The following LRP1B variants were observed in gnomAD, a reference collection of about 807,000 sequenced individuals.
LRP1B encodes the protein LDL receptor related protein 1B, also known as low-density lipoprotein receptor-related protein 1B.
LRP1B carries 217 observed loss-of-function variants against 556.6 expected under a neutral mutation model. The ratio of observed to expected loss-of-function variants is 0.39; its 90% CI spans 0.35 to 0.44. The LOEUF (loss-of-function observed/expected upper bound fraction) is 0.44. Among genes scored for constraint, LRP1B ranks in the 20% least tolerant of loss-of-function variants. The pLI, the probability that LRP1B is intolerant of heterozygous loss-of-function variation, is 1.00. For synonymous variants in LRP1B, 2,047 were observed against 1,865.8 expected (o/e 1.10, Z -2.50); for missense variants, 5,053 against 5,620.8 (o/e 0.90, Z 3.23).
At chr2:141,092,968 T>C (rs1034920723) in intron 7 of LRP1B, among the ~76,000 whole-genome samples, 1 of 151,968 alleles carries the variant, frequency 6.6e-6, no homozygotes, top group African/African-American at 2.4e-5. Flanking sequence ...ATAGTCTGTG[T>C]AATGAATATT....
At chr2:141,821,841 G>A (rs574767235) in intron 1 of LRP1B, among the ~76,000 whole-genome samples, 21 of 152,068 alleles carry the variant, frequency 1.4e-4, no homozygotes, top group Admixed American at 1.0e-3. Flanking sequence ...TTGAAAACTT[G>A]AAGAAGTACA....
chr2:140,861,900 T>C (rs1397298150), intron 27 of LRP1B, among the ~76,000 whole-genome samples: 2 of 152,254 alleles, frequency 1.3e-5, no homozygotes, highest in Admixed American at 1.3e-4. Context: ...TGTGTGCGCA[T>C]GCACACGCTT....
chr2:140,781,537 T>C (rs1689697393), intron 32 of LRP1B, among the ~76,000 whole-genome samples: 1 of 152,176 alleles, frequency 6.6e-6, no homozygotes, highest in Admixed American at 6.5e-5. Flanking sequence ...TTGCAGATGA[T>C]GGAAAAATGA....
chr2:141,446,390 G>T (rs1681195086), intron 3 of LRP1B, among the ~76,000 whole-genome samples: 1 of 152,008 alleles, frequency 6.6e-6, no homozygotes, highest in Non-Finnish European at 1.5e-5. Context: ...CTTTTAATTG[G>T]GGCATTTAGC....
chr2:140,883,767 A>G (rs2105186320), intron 25 of LRP1B, 50 bp downstream of exon 25: 2 of 1,526,448 alleles, frequency 1.3e-6, no homozygotes, highest in East Asian at 4.5e-5. Flanking sequence ...GTTAAATTGA[A>G]AGACTATTTT....
At chr2:140,259,480 AAAAT>A in intron 86 of LRP1B, among the ~76,000 whole-genome samples, 1 of 152,128 alleles carries the variant, frequency 6.6e-6, no homozygotes, top group South Asian at 2.1e-4. Context: ...GAATCATAGT[AAAAT>A]AAATCATTTT....
chr2:140,588,909 G>A (rs1267075975), intron 43 of LRP1B, among the ~76,000 whole-genome samples: 2 of 147,710 alleles, frequency 1.4e-5, no homozygotes, highest in Non-Finnish European at 3.0e-5. Context: ...GCAGTGAGCC[G>A]AGACTGCACC....
At chr2:141,579,007 G>T (rs1422892079) in intron 2 of LRP1B, among the ~76,000 whole-genome samples, 1 of 152,168 alleles carries the variant, frequency 6.6e-6, no homozygotes, top group African/African-American at 2.4e-5. Flanking sequence ...AAACAATACA[G>T]ATTATTAATT....
chr2:141,682,475 A>T (rs1299038778), intron 2 of LRP1B, among the ~76,000 whole-genome samples: 2 of 152,246 alleles, frequency 1.3e-5, no homozygotes, highest in Middle Eastern at 3.4e-3. Context: ...ATATTCTATG[A>T]ATACAGTAGT....
intron 77 of LRP1B, among the ~76,000 whole-genome samples, chr2:140,346,347 C>G (rs1300866027): frequency 6.6e-6 from 1 of 151,656 alleles, no homozygotes; most frequent in East Asian, 1.9e-4. Context: ...TCCATTATAG[C>G]AAAGTGTCAA....
intron 1 of LRP1B, among the ~76,000 whole-genome samples, chr2:141,888,200 G>A (rs1699182709): frequency 1.3e-5 from 2 of 152,180 alleles, no homozygotes; most frequent in South Asian, 2.1e-4. Context: ...GCTTCCTCAG[G>A]AACAGCAGAA....
At chr2:140,555,371 A>G (rs1680695898) in intron 43 of LRP1B, among the ~76,000 whole-genome samples, 1 of 152,118 alleles carries the variant, frequency 6.6e-6, no homozygotes. Context: ...CATTCCATAC[A>G]TTTGAAAAAA....
intron 55 of LRP1B, 61 bp from the exon 56 acceptor site, chr2:140,495,809 A>C: frequency 2.9e-6 from 4 of 1,388,270 alleles, no homozygotes; most frequent in Non-Finnish European, 4.0e-6. Flanking sequence ...TTACTTTTGG[A>C]TATCTCTTTA....
At chr2:140,569,649 C>A (rs560599009) in intron 43 of LRP1B, among the ~76,000 whole-genome samples, 8 of 151,928 alleles carry the variant, frequency 5.3e-5, no homozygotes, top group African/African-American at 1.9e-4. Context: ...GATAGACATT[C>A]AATAAGGAAA....
chr2:140,482,662 T>C (rs1013300242), intron 59 of LRP1B, among the ~76,000 whole-genome samples: 3 of 152,138 alleles, frequency 2.0e-5, no homozygotes, highest in Non-Finnish European at 1.5e-5. Context: ...CTAAATACCA[T>C]ATCTAAAGTG....
intron 7 of LRP1B, among the ~76,000 whole-genome samples, chr2:141,137,186 T>G (rs1429695946): frequency 1.3e-5 from 2 of 152,066 alleles, no homozygotes; most frequent in East Asian, 3.9e-4. Flanking sequence ...AAATTCAGTT[T>G]TAAAGACTCA....
At chr2:140,894,439 C>G (rs1020916772) in intron 23 of LRP1B, among the ~76,000 whole-genome samples, 3 of 151,586 alleles carry the variant, frequency 2.0e-5, no homozygotes, top group African/African-American at 7.3e-5. Flanking sequence ...ATCCAAGAAA[C>G]ACTGTGAAGA....
intron 3 of LRP1B, among the ~76,000 whole-genome samples, chr2:141,298,074 G>A (rs555670356): frequency 5.7e-4 from 87 of 152,200 alleles, no homozygotes; most frequent in Middle Eastern, 3.4e-3. Flanking sequence ...ACTTTATGAT[G>A]CTCCCTCAAT....
chr2:141,069,136 C>A (rs1699563907), intron 7 of LRP1B, among the ~76,000 whole-genome samples: 1 of 152,026 alleles, frequency 6.6e-6, no homozygotes, highest in South Asian at 2.1e-4. Flanking sequence ...CTGCTGAACT[C>A]TGGCAAGTAC....
Sources: allele counts gnomAD v4.1 joint callset (sites outside exome capture counted in the v4.1 genomes callset), GRCh38; gene constraint gnomAD v4.1.1; transcripts MANE v1.5; gene names NCBI Gene and HGNC (gene_info 2026-07-23, HGNC 2026-07-21).